The following TNIK variants were observed in gnomAD, a reference collection of about 807,000 sequenced individuals.
TNIK encodes the protein TRAF2 and NCK interacting kinase, also known as TRAF2 and NCK-interacting protein kinase.
TNIK carries 49 observed loss-of-function variants against 191.3 expected under a neutral mutation model. The ratio of observed to expected loss-of-function variants is 0.26; its 90% CI spans 0.20 to 0.32. TNIK has a LOEUF of 0.32. TNIK is among the 10% of genes least tolerant of loss of function. The pLI is 1.00. For synonymous variants in TNIK, 594 were observed against 600.9 expected (o/e 0.99, Z 0.17); for missense variants, 1,155 against 1,702.3 (o/e 0.68, Z 5.66).
intron 1 of TNIK, among the ~76,000 whole-genome samples, chr3:171,457,955 C>A (rs986040516): frequency 6.6e-6 from 1 of 152,178 alleles, no homozygotes; most frequent in African/African-American, 2.4e-5. Flanking sequence ...CCGGTTGCTC[C>A]CCTGCCTGCA....
intron 17 of TNIK, 125 bp downstream of exon 17, chr3:171,125,787 A>G (rs1728383661): frequency 7.0e-7 from 1 of 1,422,658 alleles, no homozygotes; most frequent in African/African-American, 1.4e-5. Flanking sequence ...GGACCAAAAC[A>G]AACATGAGAA....
At position 171,275,975 on chromosome 3, in the gene TNIK, G is replaced by A. The variant is rs1165427797; in HGVS notation, c.124-47754C>T. On this transcript the variant is annotated intron_variant, in intron 2 of 32. Transcript: ENST00000436636. ...GAAACTGGCCCTCTACAAAGGAATA[G>A]GAATTAGAATGGTATTAGACTTTTC... is the stretch of plus-strand genomic sequence containing the variant. 4.0e-5 allele frequency among the ~76,000 whole-genome samples: 6 copies of A among 151,846 alleles called. No homozygotes were observed. The East Asian group carries it at 1.2e-3, about 29-fold the overall frequency.
At chr3:171,143,075 T>G (rs1392932131) in intron 12 of TNIK, among the ~76,000 whole-genome samples, 1 of 152,202 alleles carries the variant, frequency 6.6e-6, no homozygotes, top group African/African-American at 2.4e-5. Flanking sequence ...CTCTGTAGTT[T>G]CTGAGAAAGA....
chr3:171,274,715 A>G (rs995574104), intron 2 of TNIK, among the ~76,000 whole-genome samples: 1 of 152,150 alleles, frequency 6.6e-6, no homozygotes, highest in African/African-American at 2.4e-5. Context: ...CCAATTGACC[A>G]CACAAGTTGA....
rs376513076 is a variant in TNIK, at chr3:171,434,756, G to C, written c.57+25251C>G. Among the ~76,000 whole-genome samples, 336 of 152,248 alleles carry C rather than the reference G, an allele frequency of 2.2e-3. 2 individuals are homozygous for C. Among genetic ancestry groups the C allele is most frequent in the African/African-American group, 7.6e-3 (314 of 41,548 alleles). On this transcript the variant is annotated intron_variant, in intron 1 of 32. Transcript: ENST00000436636. ...ATTACAGACATGAGCCACTGTGCCT[G>C]GCCCTCATCCTCTTATAATTCTTGT... is the stretch of plus-strand genomic sequence containing the variant.
In TNIK at chr3:171,126,164, A is replaced by G; in HGVS notation, c.1774-13T>C. 1 of 1,522,196 alleles carries G rather than the reference A, an allele frequency of 6.6e-7. No homozygotes were observed. The highest frequency in any genetic ancestry group is 2.3e-5 in the Admixed American group (1 of 43,988). 94.3% of individuals were successfully genotyped at this position (1,522,196 alleles called of 1,614,324 possible). On this transcript the variant is annotated splice_polypyrimidine_tract_variant and intron_variant, in intron 16 of 32. Coordinates refer to ENST00000436636, the MANE Select transcript of TNIK (RefSeq NM_015028.4). ...CCAGATGTGGGATCTAAGCATCAAA[A>G]CAACATGAAAACAGCACTATTAGAA...
chr3:171,110,723 T>C lies in TNIK; in HGVS notation c.2275A>G (p.Arg759Gly). ...GSQAGSSERT[R>G]VRANSKSEGS... ...TAAGAGAAAGTTTTACCTCGAACTC[T>C]GGTGCGTTCACTGGATCCTGCTTGT... The change falls in exon 19 of 33, where the codon AGA becomes GGA. Residue 759 changes from arginine to glycine, a missense_variant. Physicochemically the swap from Arg to Gly is moderately radical, Grantham distance 125 (BLOSUM62 -2). Around this residue, in one of 3 missense-constraint regions of TNIK, gnomAD observed 735 missense variants for 848.0 expected, o/e 0.87. Transcript: ENST00000436636. 1 of 1,594,756 alleles carries C rather than the reference T, an allele frequency of 6.3e-7. No homozygotes were observed. The highest frequency in any genetic ancestry group is 8.5e-7 in the Non-Finnish European group (1 of 1,170,332).
At chr3:171,070,957 C>T (rs1297932419) in intron 29 of TNIK, among the ~76,000 whole-genome samples, 1 of 152,150 alleles carries the variant, frequency 6.6e-6, no homozygotes, top group Admixed American at 6.5e-5. Context: ...CAATGCTATG[C>T]CTACTAACCA....
chr3:171,083,342 A>C (rs896405962), intron 26 of TNIK, among the ~76,000 whole-genome samples: 1 of 152,122 alleles, frequency 6.6e-6, no homozygotes, highest in South Asian at 2.1e-4. Flanking sequence ...AGCCTCTATC[A>C]TGAAATGGTT....
At chr3:171,252,158 C>T (rs1746313429) in intron 2 of TNIK, among the ~76,000 whole-genome samples, 1 of 152,040 alleles carries the variant, frequency 6.6e-6, no homozygotes, top group African/African-American at 2.4e-5. Flanking sequence ...TTTCCCCTCC[C>T]CTATAAATAC....
At position 171,264,136 on chromosome 3, in the gene TNIK, C is replaced by G. The variant is rs544302894; in HGVS notation, c.124-35915G>C. On this transcript the variant is annotated intron_variant, in intron 2 of 32. Transcript: ENST00000436636. ...CATATATATATATATATATATACAC[C>G]CCTTACCTGGCTGGCCTCCCATACT... Among the ~76,000 whole-genome samples, 3 of 133,648 alleles carry G rather than the reference C, an allele frequency of 2.2e-5. No homozygotes were observed. The South Asian group carries it at 7.8e-4, about 35-fold the overall frequency. The allele number at this position is 133,648 out of a possible 152,430, so 87.7% of individuals were successfully genotyped here.
intron 5 of TNIK, among the ~76,000 whole-genome samples, chr3:171,192,489 T>C (rs913436172): frequency 2.0e-5 from 3 of 152,188 alleles, no homozygotes; most frequent in Non-Finnish European, 1.5e-5. Context: ...TCGGAGAATA[T>C]ACTGGAAAAA....
intron 28 of TNIK, among the ~76,000 whole-genome samples, chr3:171,076,734 T>TA (rs1453866512): frequency 3.9e-5 from 6 of 152,140 alleles, no homozygotes; most frequent in South Asian, 4.1e-4. Flanking sequence ...TCCTGCTCCA[T>TA]AAAAACAACC....
intron 1 of TNIK, among the ~76,000 whole-genome samples, chr3:171,453,684 G>C (rs77705925): frequency 0.015 from 2,210 of 152,298 alleles, 52 homozygotes; most frequent in African/African-American, 0.05. Context: ...AGACACAGGA[G>C]GAGGGGAGGT....
At chr3:171,404,165 TG>T (rs2108583782) in intron 1 of TNIK, among the ~76,000 whole-genome samples, 1 of 152,336 alleles carries the variant, frequency 6.6e-6, no homozygotes, top group African/African-American at 2.4e-5. Flanking sequence ...TTGTTTTTAA[TG>T]GGGGCTCTAT....
intron 4 of TNIK, among the ~76,000 whole-genome samples, chr3:171,206,411 T>G (rs13085643): frequency 0.32 from 48,058 of 150,076 alleles, 7,855 homozygotes; most frequent in Middle Eastern, 0.44. Context: ...CATCAGGCTT[T>G]TGGTTCCCAG....
At chr3:171,165,082 G>T (rs1734445768) in intron 10 of TNIK, among the ~76,000 whole-genome samples, 1 of 152,106 alleles carries the variant, frequency 6.6e-6, no homozygotes, top group African/African-American at 2.4e-5. Context: ...GAGTTCAGCA[G>T]TTCAAGACCA....
chr3:171,086,846 C>T (rs1345705494), intron 24 of TNIK, among the ~76,000 whole-genome samples: 1 of 152,202 alleles, frequency 6.6e-6, no homozygotes, highest in African/African-American at 2.4e-5. Flanking sequence ...TTTCTTCTCA[C>T]ACAATTTTGA....
chr3:171,393,734 A>G (rs562113022), intron 1 of TNIK, among the ~76,000 whole-genome samples: 1 of 152,260 alleles, frequency 6.6e-6, no homozygotes, highest in East Asian at 1.9e-4. Flanking sequence ...CTCTTTCGTA[A>G]TTTTCATTTG....
Sources: gnomAD v4.1 joint callset for allele counts (sites outside exome capture counted in the v4.1 genomes callset) on GRCh38, gnomAD v4.1.1 for gene constraint, gnomAD v4.1.1 regional missense constraint, MANE v1.5 for transcripts, NCBI Gene and HGNC (gene_info 2026-07-23, HGNC 2026-07-21) for gene names.